Variants in ACSS3 observed in about 807,000 individuals in gnomAD.
ACSS3 encodes acyl-CoA synthetase short chain family member 3.
Under a neutral mutation model 84.2 loss-of-function variants are expected in ACSS3, and 64 were observed. The observed-to-expected ratio is 0.76, with a 90% confidence interval of 0.62 to 0.94. ACSS3 has a LOEUF of 0.94. Ranked by LOEUF, ACSS3 falls within the 40% of genes least tolerant of loss-of-function variation. The pLI, the probability that ACSS3 is intolerant of heterozygous loss-of-function variation, is 0.00. For synonymous variants in ACSS3, 317 were observed against 310.1 expected, an observed-to-expected ratio of 1.02 and a Z score of -0.23; for missense variants, 815 against 867.6, an observed-to-expected ratio of 0.94 and a Z score of 0.76.
intron 1 of ACSS3, chr12:81,094,545 A>T (rs1303917781): frequency 6.6e-6 from 1 of 152,184 alleles, no homozygotes; most frequent in Non-Finnish European, 1.5e-5. Context: ...TTCTTTTTGG[A>T]CATTCTCAAA....
intron 12 of ACSS3, among the ~76,000 whole-genome samples, chr12:81,231,848 T>C (rs953217294): frequency 6.6e-6 from 1 of 151,736 alleles, no homozygotes; most frequent in African/African-American, 2.4e-5. Flanking sequence ...ATCTTTCTGT[T>C]GTCCCTCTAC....
chr12:81,233,949 G>A (rs540039345), intron 13 of ACSS3, among the ~76,000 whole-genome samples: 3 of 151,514 alleles, frequency 2.0e-5, no homozygotes, highest in African/African-American at 7.2e-5. Context: ...CTACATTATT[G>A]TTATACAATA....
chr12:81,214,578 G>T (rs528381426), intron 9 of ACSS3, among the ~76,000 whole-genome samples: 2 of 152,264 alleles, frequency 1.3e-5, no homozygotes, highest in South Asian at 4.1e-4. Context: ...AATTACTATA[G>T]AAAGATGCTT....
intron 1 of ACSS3, among the ~76,000 whole-genome samples, chr12:81,086,624 G>A (rs958229581): frequency 2.0e-5 from 3 of 152,122 alleles, no homozygotes; most frequent in Non-Finnish European, 2.9e-5. Context: ...TCTTATCACC[G>A]CCTGAAAGGT....
At chr12:81,227,062 T>C (rs73346718) in intron 11 of ACSS3, among the ~76,000 whole-genome samples, 7,227 of 151,520 alleles carry the variant, frequency 0.048, 487 homozygotes, top group East Asian at 0.15. Flanking sequence ...CTCATGCAGT[T>C]GTGAAGGCTA....
intron 8 of ACSS3, among the ~76,000 whole-genome samples, chr12:81,179,795 A>AG (rs1307819289): frequency 6.6e-6 from 1 of 151,908 alleles, no homozygotes; most frequent in Non-Finnish European, 1.5e-5. Flanking sequence ...AAAAAAAAAA[A>AG]AAGGGCAAAG....
At chr12:81,190,205 T>C (rs907255584) in intron 8 of ACSS3, among the ~76,000 whole-genome samples, 1 of 145,580 alleles carries the variant, frequency 6.9e-6, no homozygotes, top group African/African-American at 2.4e-5. Flanking sequence ...CACAAAAACA[T>C]AGAGATAGAG....
chr12:81,251,407 T>C (rs1056179492), intron 13 of ACSS3, among the ~76,000 whole-genome samples: 4 of 152,142 alleles, frequency 2.6e-5, no homozygotes, highest in Non-Finnish European at 5.9e-5. Flanking sequence ...TTTTGGTTCA[T>C]CAGTTACAAC....
At chr12:81,222,192 T>A (rs555925698) in intron 11 of ACSS3, among the ~76,000 whole-genome samples, 1 of 152,232 alleles carries the variant, frequency 6.6e-6, no homozygotes, top group African/African-American at 2.4e-5. Context: ...TCCAGGGTTC[T>A]GAGATTTCAT....
Position 81,106,688 on chromosome 12 carries a change from A to C in ACSS3, c.312-2872A>C, listed in dbSNP as rs977710452. 5.9e-5 allele frequency among the ~76,000 whole-genome samples: 9 copies of C among 152,264 alleles called. No homozygotes were observed. In the East Asian group the frequency reaches 9.7e-4, roughly 16 times the overall value. On this transcript the variant is annotated intron_variant, in intron 1 of 15. Coordinates refer to ENST00000548058, the MANE Select transcript of ACSS3 (RefSeq NM_024560.4). ...AGCACTATTTGAAATATTTTTGTTG[A>C]CATATTTACATAATATTTACAATGA...
intron 4 of ACSS3, among the ~76,000 whole-genome samples, chr12:81,139,955 T>TAAA (rs1886013808): frequency 6.6e-6 from 1 of 152,034 alleles, no homozygotes; most frequent in Non-Finnish European, 1.5e-5. Flanking sequence ...ATCTTCCTGG[T>TAAA]AACTCTATTA....
In ACSS3 at chr12:81,169,233, A is replaced by G. The variant is rs900888452; in HGVS notation, c.1099-5555A>G. ...AATGATGGTACATCCCTAGCAAGTA[A>G]GAATCAAGGAAGTCAGTCTGATCTG... On this transcript the variant is annotated intron_variant, in intron 7 of 15. Transcript: ENST00000548058. Among the ~76,000 whole-genome samples, 5 of 152,214 alleles carry G rather than the reference A, an allele frequency of 3.3e-5. No individual in the cohort carries two copies. In the South Asian group the frequency reaches 6.2e-4, roughly 19 times the overall value.
At chr12:81,157,705 G>A (rs1044683900) in intron 7 of ACSS3, among the ~76,000 whole-genome samples, 1 of 152,074 alleles carries the variant, frequency 6.6e-6, no homozygotes, top group African/African-American at 2.4e-5. Flanking sequence ...TACTCGGGAG[G>A]CTGAGGCAAG....
intron 8 of ACSS3, among the ~76,000 whole-genome samples, chr12:81,189,960 A>T: frequency 6.6e-6 from 1 of 151,960 alleles, no homozygotes; most frequent in East Asian, 1.9e-4. Context: ...GTGCAGCAAC[A>T]CTTTTGTCAT....
intron 13 of ACSS3, among the ~76,000 whole-genome samples, chr12:81,251,509 G>A (rs2034149857): frequency 6.6e-6 from 1 of 151,776 alleles, no homozygotes; most frequent in African/African-American, 2.4e-5. Flanking sequence ...TTTCTTAGTT[G>A]ATATTGCTAT....
rs576374862 is a variant in ACSS3 at position 81,136,224 on chromosome 12, T to G, written c.645+1220T>G. 2.0e-5 allele frequency among the ~76,000 whole-genome samples: 3 copies of G among 152,266 alleles called. No individual in the cohort carries two copies. The East Asian group carries it at 5.8e-4, about 29-fold the overall frequency. ...GCATATAGTACACATTTAAAAAATG[T>G]TAACTATTATTAATCTATGAATTTA... is the stretch of plus-strand genomic sequence containing the variant. On this transcript the variant is annotated intron_variant, in intron 3 of 15. Coordinates refer to ENST00000548058, the MANE Select transcript of ACSS3 (RefSeq NM_024560.4).
intron 13 of ACSS3, among the ~76,000 whole-genome samples, chr12:81,236,217 G>A (rs2033625451): frequency 6.6e-6 from 1 of 151,350 alleles, no homozygotes; most frequent in Non-Finnish European, 1.5e-5. Flanking sequence ...CTATTAATAG[G>A]AATATGTGAT....
intron 9 of ACSS3, among the ~76,000 whole-genome samples, chr12:81,209,303 T>C (rs1048711141): frequency 4.0e-5 from 6 of 150,984 alleles, no homozygotes; most frequent in African/African-American, 1.5e-4. Context: ...CTACATGCAC[T>C]TTTTTTTTGA....
At chr12:81,177,096 G>T (rs1196306589) in intron 8 of ACSS3, among the ~76,000 whole-genome samples, 4 of 152,074 alleles carry the variant, frequency 2.6e-5, no homozygotes. Flanking sequence ...TGCAGAAAAT[G>T]ACATAAATAA....
Sources: allele counts gnomAD v4.1 joint callset (sites outside exome capture counted in the v4.1 genomes callset), GRCh38; gene constraint gnomAD v4.1.1; transcripts MANE v1.5; gene names NCBI Gene and HGNC (gene_info 2026-07-23, HGNC 2026-07-21).